The following FBXO25 variants were observed in gnomAD, a reference collection of about 807,000 sequenced individuals.
The protein encoded by FBXO25 is F-box only protein 25.
Under a neutral mutation model 51.9 loss-of-function variants are expected in FBXO25, and 45 were observed. That is an observed-to-expected ratio of 0.87 (90% CI 0.68 to 1.11). FBXO25 has a LOEUF of 1.11. Ranked by LOEUF, FBXO25 falls within the 50% of genes most tolerant of loss-of-function variation. FBXO25 has a pLI of 0.00. For synonymous variants in FBXO25, 199 were observed against 151.0 expected, an observed-to-expected ratio of 1.32 and a Z score of -2.33; for missense variants, 507 against 428.5, an observed-to-expected ratio of 1.18 and a Z score of -1.62.
intron 2 of FBXO25, among the ~76,000 whole-genome samples, chr8:414,255 A>G (rs1796660720): frequency 6.6e-6 from 1 of 152,246 alleles, no homozygotes; most frequent in Admixed American, 6.5e-5. Context: ...AAACTTATTT[A>G]AAGCTTGTAA....
chr8:411,518 C>T (rs1198071836), intron 1 of FBXO25, among the ~76,000 whole-genome samples: 1 of 152,104 alleles, frequency 6.6e-6, no homozygotes, highest in African/African-American at 2.4e-5. Context: ...TGATTTTCCT[C>T]TTTCTCTCTA....
intron 7 of FBXO25, among the ~76,000 whole-genome samples, chr8:452,309 A>G (rs1799146521): frequency 1.3e-5 from 2 of 152,234 alleles, no homozygotes; most frequent in Non-Finnish European, 2.9e-5. Flanking sequence ...GAGTTAAGCA[A>G]GTTTGTTATA....
chr8:429,599 T>C (rs1208230720), intron 2 of FBXO25, among the ~76,000 whole-genome samples: 2 of 152,262 alleles, frequency 1.3e-5, no homozygotes, highest in East Asian at 3.8e-4. Context: ...GAAGCATTCA[T>C]CTTTCTTCTC....
At chr8:458,289 T>G in intron 7 of FBXO25, 80 bp from the exon 8 acceptor site, 1 of 1,483,476 alleles carries the variant, frequency 6.7e-7, no homozygotes, top group Non-Finnish European at 9.2e-7. Context: ...GAAGCATTCA[T>G]TCCAGCTTGA....
chr8:452,068 C>T (rs1479713163), intron 7 of FBXO25, among the ~76,000 whole-genome samples: 2 of 152,156 alleles, frequency 1.3e-5, no homozygotes, highest in African/African-American at 2.4e-5. Flanking sequence ...GTGTGCCTTA[C>T]GTAGCCTTGG....
At chr8:453,527 G>C (rs1799224830) in intron 7 of FBXO25, among the ~76,000 whole-genome samples, 2 of 152,166 alleles carry the variant, frequency 1.3e-5, no homozygotes, top group African/African-American at 2.4e-5. Context: ...TAACTGAGCT[G>C]CATTTGTAGA....
intron 1 of FBXO25, among the ~76,000 whole-genome samples, chr8:411,923 T>C (rs1796503178): frequency 6.6e-6 from 1 of 152,092 alleles, no homozygotes; most frequent in South Asian, 2.1e-4. Context: ...AAACTTAGCC[T>C]TCACCCCCAA....
rs145546328 is a variant in FBXO25, at chr8:468,977, G to T, written c.*173G>T. On this transcript the variant is annotated 3_prime_UTR_variant, in exon 10 of 10. Coordinates refer to ENST00000350302, the MANE Select transcript of FBXO25 (RefSeq NM_183420.2). ...ACTGCATGGTTGCATTTTCATCACT[G>T]AAAGTCAGAGGCCAAGGAAATCATT... 2.7e-4 allele frequency: 155 copies of T among 574,326 alleles called. 1 individual carries two copies. The highest frequency in any genetic ancestry group is 3.1e-4 in the Admixed American group (9 of 29,358). The allele number at this position is 574,326 out of a possible 1,614,324, so 35.6% of individuals were successfully genotyped here.
Position 472,308 on chromosome 8 carries a change from G to C in FBXO25, c.*3504G>C, listed in dbSNP as rs752741501. 6.6e-6 allele frequency: 1 copy of C among 152,192 alleles called. No homozygotes were observed. Among genetic ancestry groups the C allele is most frequent in the Non-Finnish European group, 1.5e-5 (1 of 68,036 alleles). The allele number at this position is 152,192 out of a possible 1,614,324, so 9.4% of individuals were successfully genotyped here. On this transcript the variant is annotated 3_prime_UTR_variant, in exon 10 of 10. Transcript: ENST00000350302. ...CAAATGCTTTTTCTGCATCTCTTAA[G>C]ATAATGTAGTTTTTGGCCTTCATAA...
chr8:424,846 C>T (rs1400287802), intron 2 of FBXO25, among the ~76,000 whole-genome samples: 1 of 152,044 alleles, frequency 6.6e-6, no homozygotes, highest in Non-Finnish European at 1.5e-5. Context: ...GCTATTTGGG[C>T]TCTTTTTTCA....
rs770887082 is a variant in FBXO25 at position 450,928 on chromosome 8, C to A, written c.476-341C>A. 6.6e-4 allele frequency: 138 copies of A among 210,488 alleles called. 1 individual carries two copies. Among genetic ancestry groups the A allele is most frequent in the Non-Finnish European group, 1.7e-4 (18 of 107,088 alleles). The allele number at this position is 210,488 out of a possible 1,614,324, so 13.0% of individuals were successfully genotyped here. On this transcript the variant is annotated intron_variant, in intron 6 of 9. Coordinates refer to ENST00000350302, the MANE Select transcript of FBXO25 (RefSeq NM_183420.2). ...ACACTGAGTCCCCATTCCTCCTCCC[C>A]ACCAGCCCCTGGTAATTATCATTCT...
At chr8:411,672 C>T (rs868167878) in intron 1 of FBXO25, among the ~76,000 whole-genome samples, 41 of 152,134 alleles carry the variant, frequency 2.7e-4, no homozygotes, top group African/African-American at 9.6e-4. Flanking sequence ...TGGAGGAAAA[C>T]AGATGATAAA....
rs895648030 is a variant in FBXO25 at position 472,902 on chromosome 8, C to G, written c.*4098C>G. 1 of 152,246 alleles carries G rather than the reference C, an allele frequency of 6.6e-6. No individual in the cohort carries two copies. Among genetic ancestry groups the G allele is most frequent in the Non-Finnish European group, 1.5e-5 (1 of 68,054 alleles). 9.4% of individuals were successfully genotyped at this position (152,246 alleles called of 1,614,324 possible). ...TGAAACTCGACTTTTTAATCTCCCT[C>G]TCTTCATTATGATGTGTGCACGTGA... is the stretch of plus-strand genomic sequence containing the variant. On this transcript the variant is annotated 3_prime_UTR_variant, in exon 10 of 10. Transcript: ENST00000350302.
At chr8:418,330 G>GTTTTT (rs1796934500) in intron 2 of FBXO25, among the ~76,000 whole-genome samples, 4 of 104,600 alleles carry the variant, frequency 3.8e-5, no homozygotes, top group Admixed American at 9.7e-5. Flanking sequence ...TCGTTTGTTT[G>GTTTTT]TTCTTTTTTT....
intron 2 of FBXO25, among the ~76,000 whole-genome samples, chr8:426,808 C>CACCTGGCCTTGGTGCTCTTGTCACCCT (rs1797514858): frequency 2.6e-5 from 4 of 151,886 alleles, no homozygotes; most frequent in Admixed American, 2.0e-4. Context: ...GCTGTGGCTC[C>CACCTGGCCTTGGTGCTCTTGTCACCCT]ACCTGGCCTT....
intron 7 of FBXO25, among the ~76,000 whole-genome samples, chr8:456,272 C>G (rs1799423420): frequency 6.6e-6 from 1 of 152,146 alleles, no homozygotes; most frequent in African/African-American, 2.4e-5. Context: ...TGCAGTGGTT[C>G]AGTCATAGCT....
intron 1 of FBXO25, among the ~76,000 whole-genome samples, chr8:410,479 G>C (rs1465564874): frequency 1.3e-5 from 2 of 151,826 alleles, no homozygotes; most frequent in Non-Finnish European, 2.9e-5. Flanking sequence ...AGTTGATATT[G>C]AGAGATAATT....
chr8:468,648 C>A, intron 9 of FBXO25, 67 bp from the exon 10 acceptor site: 2 of 1,277,284 alleles, frequency 1.6e-6, no homozygotes, highest in Non-Finnish European at 2.3e-6. Context: ...GACGACCCCT[C>A]AAGCACCATC....
At chr8:459,482 A>C (rs113312553) in intron 8 of FBXO25, among the ~76,000 whole-genome samples, 324 of 152,366 alleles carry the variant, frequency 2.1e-3, no homozygotes, top group African/African-American at 7.5e-3. Flanking sequence ...GGAGCCAGCA[A>C]AGCACATGGA....
Sources: allele counts gnomAD v4.1 joint callset (sites outside exome capture counted in the v4.1 genomes callset), GRCh38; gene constraint gnomAD v4.1.1; transcripts MANE v1.5; gene names NCBI Gene and HGNC (gene_info 2026-07-23, HGNC 2026-07-21).